CHD6: variants seen among roughly 807,000 people sequenced by gnomAD.
CHD6 encodes chromodomain helicase DNA binding protein 6.
In CHD6, 50 loss-of-function variants were observed where a neutral mutation model predicts 276.9. The observed-to-expected ratio is 0.18, with a 90% CI of 0.14 to 0.23. The LOEUF (loss-of-function observed/expected upper bound fraction) is 0.23. Ranked by LOEUF, CHD6 falls within the 10% of genes least tolerant of loss-of-function variation. The pLI, the probability that CHD6 is intolerant of heterozygous loss-of-function variation, is 1.00. For synonymous variants in CHD6, 1,173 were observed against 1,229.3 expected, an observed-to-expected ratio of 0.95 and a Z score of 0.96; for missense variants, 2,564 against 3,365.8, an observed-to-expected ratio of 0.76 and a Z score of 5.89.
chr20:41,451,842 G>C lies in CHD6; in HGVS notation c.3507C>G (p.Thr1169=), dbSNP rs1375338696. 2.5e-6 allele frequency: 4 copies of C among 1,614,110 alleles called. No homozygotes were observed. The highest frequency in any genetic ancestry group is 1.3e-5 in the African/African-American group (1 of 75,022). Residue 1169 remains threonine (T), a synonymous_variant, in exon 22 of 37, where the codon ACC becomes ACG. Coordinates refer to ENST00000373233, the MANE Select transcript of CHD6 (RefSeq NM_032221.5). ...ACCTCTCACCTGAGTGGTTCTGGAG[G>C]GTCTGGGCTTGCCCATCTTTGGTAG... is the stretch of plus-strand genomic sequence containing the variant. ...ITPTKDGQAQ[T]LQNHSGLSAP... is the part of the protein sequence containing the mutation.
At chr20:41,593,050 C>G (rs2146266583) in intron 1 of CHD6, among the ~76,000 whole-genome samples, 1 of 152,092 alleles carries the variant, frequency 6.6e-6, no homozygotes, top group Non-Finnish European at 1.5e-5. Flanking sequence ...CTCTTTGTGG[C>G]AAAAACAACA....
At chr20:41,441,908 T>C (rs1308646362) in intron 25 of CHD6, among the ~76,000 whole-genome samples, 1 of 152,186 alleles carries the variant, frequency 6.6e-6, no homozygotes, top group Non-Finnish European at 1.5e-5. Flanking sequence ...TACTAAAGTC[T>C]GTATGTCAAG....
chr20:41,413,337 G>A lies in CHD6; in HGVS notation c.7118C>T (p.Pro2373Leu). 7 of 1,603,294 alleles carry A rather than the reference G, an allele frequency of 4.4e-6. No individual in the cohort carries two copies. The highest frequency in any genetic ancestry group is 6.0e-6 in the Non-Finnish European group (7 of 1,174,836). The change falls in exon 35 of 37, where the codon CCT becomes CTT. Residue 2373 changes from proline to leucine, a missense_variant. By Grantham distance (98) the Pro-to-Leu change is moderately conservative. This residue lies in a region of CHD6 where 1,024 missense variants were observed against 1,047.9 expected (regional missense o/e 0.98). Coordinates refer to ENST00000373233, the MANE Select transcript of CHD6 (RefSeq NM_032221.5). The part of the protein sequence containing the change: ...RQQADYSLEV[P>L]GFGANFSDKP... ...ACAAACACTTACTGCCCCAAAGCCA[G>A]GAACTTCTAAGGAGTAGTCAGCCTG...
intron 6 of CHD6, 54 bp from the exon 7 acceptor site, chr20:41,498,280 C>T: frequency 7.7e-7 from 1 of 1,301,340 alleles, no homozygotes; most frequent in Non-Finnish European, 1.1e-6. Context: ...ATCACCCTTA[C>T]TGAGCCAAAA....
At chr20:41,517,266 T>C (rs999316663) in intron 3 of CHD6, among the ~76,000 whole-genome samples, 2 of 152,082 alleles carry the variant, frequency 1.3e-5, no homozygotes, top group African/African-American at 4.8e-5. Flanking sequence ...TGACACACAC[T>C]AGGGCCTTTT....
intron 17 of CHD6, among the ~76,000 whole-genome samples, chr20:41,462,260 T>C (rs1029163986): frequency 6.6e-6 from 1 of 152,240 alleles, no homozygotes; most frequent in Non-Finnish European, 1.5e-5. Context: ...TTTAATCATG[T>C]TGAAAAACTC....
rs749058633 is a variant in CHD6 at position 41,420,878 on chromosome 20, C to T, written c.5757G>A (p.Val1919=). 1.2e-6 allele frequency: 2 copies of T among 1,614,210 alleles called. No homozygotes were observed. Among genetic ancestry groups the T allele is most frequent in the South Asian group, 2.2e-5 (2 of 91,088 alleles). Residue 1919 remains valine (V), a synonymous_variant, in exon 31 of 37, where the codon GTG becomes GTA. Transcript: ENST00000373233. ...TCTGTAGCCCAGGAGTCTGGTTTGC[C>T]ACCTCTAAGCTTCCTTTCTTGGTTT... ...QDETKKGSLE[V]ANQTPGLQRA... is the part of the protein sequence containing the mutation.
intron 1 of CHD6, among the ~76,000 whole-genome samples, chr20:41,575,431 A>T (rs2045464091): frequency 6.6e-6 from 1 of 152,198 alleles, no homozygotes; most frequent in South Asian, 2.1e-4. Flanking sequence ...GTGAAAAGAA[A>T]CCTCAAGCTT....
chr20:41,408,845 A>T (rs184338896), intron 36 of CHD6, among the ~76,000 whole-genome samples: 1 of 152,212 alleles, frequency 6.6e-6, no homozygotes, highest in Non-Finnish European at 1.5e-5. Context: ...TCTGCTATAA[A>T]TCAGATCTTC....
chr20:41,542,405 G>A (rs1459114846), intron 2 of CHD6, among the ~76,000 whole-genome samples: 1 of 152,180 alleles, frequency 6.6e-6, no homozygotes, highest in Non-Finnish European at 1.5e-5. Flanking sequence ...TAGAAAGACT[G>A]TATTCGGCTG....
At chr20:41,557,610 T>A (rs1601140023) in intron 1 of CHD6, among the ~76,000 whole-genome samples, 1 of 152,230 alleles carries the variant, frequency 6.6e-6, no homozygotes, top group Middle Eastern at 3.4e-3. Context: ...ATACTAACAA[T>A]CCCTGCTCAG....
At chr20:41,498,591 T>A (rs1029449781) in intron 6 of CHD6, among the ~76,000 whole-genome samples, 1 of 152,126 alleles carries the variant, frequency 6.6e-6, no homozygotes, top group Non-Finnish European at 1.5e-5. Flanking sequence ...ACACCAATGG[T>A]AGTCACTCTC....
rs1373887227 is a variant in CHD6, at chr20:41,594,922, G to A, written c.-24+23418C>T. Among the ~76,000 whole-genome samples, 5 of 152,242 alleles carry A rather than the reference G, an allele frequency of 3.3e-5. No individual in the cohort carries two copies. The East Asian group carries it at 5.8e-4, about 18-fold the overall frequency. ...AGTGTGTTCTTGTGATCGGACAGGT[G>A]CAGGTAGCACCCTTCTGCAGAAGTA... On this transcript the variant is annotated intron_variant, in intron 1 of 36. Transcript: ENST00000373233.
intron 33 of CHD6, 24 bp downstream of exon 33, chr20:41,416,564 G>A: frequency 1.9e-6 from 3 of 1,590,630 alleles, no homozygotes; most frequent in Non-Finnish European, 2.6e-6. Context: ...TTGTTTTGTG[G>A]TCACTCCATT....
intron 1 of CHD6, among the ~76,000 whole-genome samples, chr20:41,594,957 T>C (rs2045703190): frequency 6.6e-6 from 1 of 152,224 alleles, no homozygotes; most frequent in African/African-American, 2.4e-5. Context: ...AAATGTGTCT[T>C]GCTGAGAAAC....
chr20:41,539,548 C>T (rs1236235011), intron 2 of CHD6, among the ~76,000 whole-genome samples: 1 of 152,190 alleles, frequency 6.6e-6, no homozygotes, highest in African/African-American at 2.4e-5. Flanking sequence ...TAAACACACA[C>T]GACCACCCCA....
intron 1 of CHD6, among the ~76,000 whole-genome samples, chr20:41,591,403 CACACATAT>C (rs1473723793): frequency 7.4e-6 from 1 of 134,732 alleles, no homozygotes; most frequent in African/African-American, 3.3e-5. Context: ...CACACACACA[CACACATAT>C]ATATATACAT....
At chr20:41,569,963 T>A (rs2045399785) in intron 1 of CHD6, among the ~76,000 whole-genome samples, 1 of 152,174 alleles carries the variant, frequency 6.6e-6, no homozygotes, top group South Asian at 2.1e-4. Flanking sequence ...ATGTTACCTG[T>A]TCCAATGTTC....
At chr20:41,601,802 GC>G (rs1214749040) in intron 1 of CHD6, among the ~76,000 whole-genome samples, 1 of 152,190 alleles carries the variant, frequency 6.6e-6, no homozygotes, top group African/African-American at 2.4e-5. Context: ...ACAGTGCCTG[GC>G]ATATCGTGAG....
Sources: gnomAD v4.1 joint callset for allele counts (sites outside exome capture counted in the v4.1 genomes callset) on GRCh38, gnomAD v4.1.1 for gene constraint, gnomAD v4.1.1 regional missense constraint, MANE v1.5 for transcripts, NCBI Gene and HGNC (gene_info 2026-07-23, HGNC 2026-07-21) for gene names.